The following FRMPD4 variants were observed in gnomAD, a reference collection of about 807,000 sequenced individuals.
The protein encoded by FRMPD4 is FERM and PDZ domain containing 4.
FRMPD4 carries 22 observed loss-of-function variants against 94.1 expected under a neutral mutation model. The ratio of observed to expected loss-of-function variants is 0.23; its 90% confidence interval spans 0.17 to 0.33. The LOEUF is 0.33. Ranked by LOEUF, FRMPD4 falls within the 10% of genes least tolerant of loss-of-function variation. FRMPD4 has a pLI of 1.00. For synonymous variants in FRMPD4, 631 were observed against 548.6 expected, an observed-to-expected ratio of 1.15 and a Z score of -2.10; for missense variants, 1,111 against 1,339.9, an observed-to-expected ratio of 0.83 and a Z score of 2.67.
At chrX:11,992,170 C>G (rs1230236899) in intron 3 of FRMPD4, among the ~76,000 whole-genome samples, 1 of 111,358 alleles carries the variant, frequency 9.0e-6, no homozygotes, top group Non-Finnish European at 1.9e-5. Flanking sequence ...TTAAAATCAG[C>G]TGGGAATAAT....
chrX:12,266,798 G>A (rs955163137), intron 1 of FRMPD4, among the ~76,000 whole-genome samples: 1 of 112,032 alleles, frequency 8.9e-6, no homozygotes, highest in Non-Finnish European at 1.9e-5. Flanking sequence ...TCCTACGATT[G>A]TATATTCAGA....
At chrX:12,476,577 C>T (rs1178514593) in intron 1 of FRMPD4, among the ~76,000 whole-genome samples, 1 of 111,134 alleles carries the variant, frequency 9.0e-6, no homozygotes. Context: ...TGACAAAAGG[C>T]TAATATCCAG....
At position 11,967,532 on chromosome X, in the gene FRMPD4, G is replaced by A. The variant is rs968172317; in HGVS notation, c.95+89514G>A. On this transcript the variant is annotated intron_variant, in intron 3 of 18. Transcript: ENST00000640291. ...TTCACAGCAATATGCTTTTGCATTT[G>A]TAAATTTCTGGTGCCTTGAACCCTT... 3.6e-5 allele frequency among the ~76,000 whole-genome samples: 4 copies of A among 111,846 alleles called. No homozygotes were observed. The Admixed American group carries it at 3.8e-4, about 11-fold the overall frequency.
At chrX:12,147,520 T>A (rs2055785622) in intron 1 of FRMPD4, among the ~76,000 whole-genome samples, 1 of 112,265 alleles carries the variant, frequency 8.9e-6, no homozygotes, top group Non-Finnish European at 1.9e-5. Context: ...TGTATGACAC[T>A]GTGTTATGCA....
intron 3 of FRMPD4, among the ~76,000 whole-genome samples, chrX:12,037,930 A>G (rs1423315580): frequency 9.0e-6 from 1 of 111,508 alleles, no homozygotes; most frequent in East Asian, 2.8e-4. Context: ...TTCTATGATG[A>G]GTTTCAGCCA....
At chrX:12,142,043 A>G (rs1361402830) in intron 1 of FRMPD4, among the ~76,000 whole-genome samples, 1 of 111,731 alleles carries the variant, frequency 9.0e-6, no homozygotes, top group Admixed American at 9.5e-5. Context: ...TAGGGATGTT[A>G]TTAAATTGAG....
At chrX:11,966,083 A>T (rs1263800016) in intron 3 of FRMPD4, among the ~76,000 whole-genome samples, 1 of 112,058 alleles carries the variant, frequency 8.9e-6, no homozygotes, top group Non-Finnish European at 1.9e-5. Flanking sequence ...ATATACACCA[A>T]GTTGGAGGGA....
At chrX:11,837,485 C>T (rs1444216638) in intron 1 of FRMPD4, among the ~76,000 whole-genome samples, 1 of 111,044 alleles carries the variant, frequency 9.0e-6, no homozygotes, top group African/African-American at 3.3e-5. Flanking sequence ...AATCATGCAA[C>T]AAAAATAGAT....
chrX:11,999,287 T>C (rs956735873), intron 3 of FRMPD4, among the ~76,000 whole-genome samples: 3 of 111,694 alleles, frequency 2.7e-5, no homozygotes, highest in African/African-American at 9.8e-5. Flanking sequence ...GATGTGCCAC[T>C]CAATCTAAAA....
chrX:12,272,565 C>T (rs1299830004), intron 1 of FRMPD4, among the ~76,000 whole-genome samples: 1 of 111,748 alleles, frequency 8.9e-6, no homozygotes, highest in Non-Finnish European at 1.9e-5. Context: ...GGGACAGTTT[C>T]TACAACCTTT....
intron 1 of FRMPD4, among the ~76,000 whole-genome samples, chrX:12,276,160 T>C (rs1409012639): frequency 8.9e-6 from 1 of 112,721 alleles, no homozygotes; most frequent in African/African-American, 3.2e-5. Context: ...CAGAACTGTC[T>C]GATAGAAATG....
chrX:12,077,953 T>C (rs1381375891), intron 3 of FRMPD4, among the ~76,000 whole-genome samples: 1 of 112,284 alleles, frequency 8.9e-6, no homozygotes, highest in Non-Finnish European at 1.9e-5. Flanking sequence ...TGGCTCATGT[T>C]TGAGCACAGC....
At chrX:12,515,430 G>A (rs369257352) in intron 2 of FRMPD4, among the ~76,000 whole-genome samples, 3 of 111,765 alleles carry the variant, frequency 2.7e-5, no homozygotes, top group African/African-American at 9.8e-5. Flanking sequence ...CTTGATTTCT[G>A]CCTTAATTTC....
chrX:12,391,016 C>A (rs2148037517), intron 1 of FRMPD4, among the ~76,000 whole-genome samples: 1 of 112,104 alleles, frequency 8.9e-6, no homozygotes, highest in South Asian at 3.8e-4. Context: ...ACATAGAAGG[C>A]CTTTAAAAGA....
chrX:12,684,631 CATT>C (rs1170373517), intron 6 of FRMPD4, among the ~76,000 whole-genome samples: 2 of 111,955 alleles, frequency 1.8e-5, no homozygotes, highest in African/African-American at 3.2e-5. Flanking sequence ...GGTCACTGTA[CATT>C]ATTAATTTAC....
intron 1 of FRMPD4, among the ~76,000 whole-genome samples, chrX:12,377,854 G>T (rs1392378074): frequency 8.9e-6 from 1 of 112,411 alleles, no homozygotes; most frequent in East Asian, 2.8e-4. Context: ...CATTCTCCTC[G>T]TGTTTCACAT....
chrX:11,952,204 C>T (rs1240434490), intron 3 of FRMPD4, among the ~76,000 whole-genome samples: 6 of 111,903 alleles, frequency 5.4e-5, no homozygotes, highest in Non-Finnish European at 1.1e-4. Flanking sequence ...ATATAATAGC[C>T]AGTGGTCACT....
chrX:12,411,933 C>T (rs2056737318), intron 1 of FRMPD4, among the ~76,000 whole-genome samples: 1 of 111,649 alleles, frequency 9.0e-6, no homozygotes, highest in South Asian at 3.8e-4. Context: ...CAGTCTTTTA[C>T]TTGGGCAAGT....
At chrX:12,467,017 T>C (rs1030892228) in intron 1 of FRMPD4, among the ~76,000 whole-genome samples, 2 of 111,731 alleles carry the variant, frequency 1.8e-5, no homozygotes, top group African/African-American at 3.3e-5. Context: ...AGTGTGTGTA[T>C]GTGTGTTGCT....
Sources: allele counts gnomAD v4.1 joint callset (sites outside exome capture counted in the v4.1 genomes callset), GRCh38; gene constraint gnomAD v4.1.1; transcripts MANE v1.5; gene names NCBI Gene and HGNC (gene_info 2026-07-23, HGNC 2026-07-21).